Variants in SOX5 observed in about 807,000 individuals in gnomAD.
The protein encoded by SOX5 is transcription factor SOX-5.
Under a neutral mutation model 92.0 loss-of-function variants are expected in SOX5, and 9 were observed. The observed-to-expected ratio is 0.10, with a 90% CI of 0.06 to 0.17. SOX5 has a LOEUF of 0.17. Among genes scored for constraint, SOX5 ranks in the 10% least tolerant of loss-of-function variants. The pLI is 1.00. For synonymous variants in SOX5, 344 were observed against 336.3 expected, an observed-to-expected ratio of 1.02 and a Z score of -0.25; for missense variants, 642 against 944.5, an observed-to-expected ratio of 0.68 and a Z score of 4.20.
intron 4 of SOX5, among the ~76,000 whole-genome samples, chr12:24,089,991 C>T (rs1944449223): frequency 6.6e-6 from 1 of 151,966 alleles, no homozygotes; most frequent in Non-Finnish European, 1.5e-5. Flanking sequence ...TTCAAGGAAT[C>T]AATACGTAAG....
chr12:24,336,252 G>A (rs774348269), intron 2 of SOX5, among the ~76,000 whole-genome samples: 11 of 151,474 alleles, frequency 7.3e-5, no homozygotes, highest in Admixed American at 2.6e-4. Flanking sequence ...CCGCCACCAC[G>A]CCCAGTAATT....
intron 8 of SOX5, among the ~76,000 whole-genome samples, chr12:23,635,020 A>C (rs547006192): frequency 8.1e-4 from 123 of 152,282 alleles, no homozygotes; most frequent in African/African-American, 2.8e-3. Flanking sequence ...GATGCTACAG[A>C]CTTTACCATC....
At chr12:24,498,277 T>C (rs1947846890) in intron 1 of SOX5, among the ~76,000 whole-genome samples, 1 of 152,104 alleles carries the variant, frequency 6.6e-6, no homozygotes, top group Non-Finnish European at 1.5e-5. Flanking sequence ...ACCCTTTTAC[T>C]GGTGTGGAAA....
intron 1 of SOX5, among the ~76,000 whole-genome samples, chr12:24,424,812 G>GGT (rs1555286295): frequency 4.0e-5 from 6 of 150,716 alleles, no homozygotes; most frequent in Admixed American, 6.6e-5. Flanking sequence ...TTTTTTTGGG[G>GGT]GGGGGGGATG....
chr12:24,265,160 G>A (rs1361227420), intron 3 of SOX5, among the ~76,000 whole-genome samples: 1 of 152,120 alleles, frequency 6.6e-6, no homozygotes, highest in Non-Finnish European at 1.5e-5. Context: ...AAAACAATTT[G>A]TTCCTCTAGA....
intron 3 of SOX5, among the ~76,000 whole-genome samples, chr12:23,812,254 T>C (rs1333059960): frequency 6.6e-6 from 1 of 152,106 alleles, no homozygotes; most frequent in African/African-American, 2.4e-5. Context: ...TATTACTGTT[T>C]TTTTAATCAT....
At chr12:23,870,561 C>T (rs1467280325) in intron 2 of SOX5, among the ~76,000 whole-genome samples, 2 of 152,184 alleles carry the variant, frequency 1.3e-5, no homozygotes, top group South Asian at 2.1e-4. Context: ...TTAGGCTATA[C>T]CAGATAAGCA....
At chr12:24,308,750 T>C (rs1948871428) in intron 2 of SOX5, among the ~76,000 whole-genome samples, 1 of 152,140 alleles carries the variant, frequency 6.6e-6, no homozygotes, top group Non-Finnish European at 1.5e-5. Flanking sequence ...AGACTCCCAG[T>C]GGCAAAGTAA....
chr12:24,344,680 G>A (rs1417748781), intron 2 of SOX5, among the ~76,000 whole-genome samples: 2 of 152,180 alleles, frequency 1.3e-5, no homozygotes, highest in Non-Finnish European at 2.9e-5. Context: ...AAAGGGATGT[G>A]CTTGGGTGGT....
intron 4 of SOX5, among the ~76,000 whole-genome samples, chr12:23,970,841 A>ATATATATATATATATT: frequency 4.6e-5 from 1 of 21,884 alleles, no homozygotes; most frequent in African/African-American, 1.2e-4. Context: ...TATATATATA[A>ATATATATATATATATT]TTTTTTTTTT....
chr12:24,540,975 A>G (rs757866398), intron 1 of SOX5, among the ~76,000 whole-genome samples: 9 of 152,034 alleles, frequency 5.9e-5, no homozygotes, highest in African/African-American at 9.7e-5. Flanking sequence ...ACTTAACATA[A>G]CCCTTTTAAT....
chr12:24,259,252 G>C (rs765838620), intron 3 of SOX5, among the ~76,000 whole-genome samples: 1 of 152,210 alleles, frequency 6.6e-6, no homozygotes, highest in African/African-American at 2.4e-5. Context: ...GAGCGAGAGA[G>C]AGAGCGCGCA....
intron 2 of SOX5, among the ~76,000 whole-genome samples, chr12:24,334,634 G>C (rs922042122): frequency 1.3e-5 from 2 of 152,132 alleles, no homozygotes; most frequent in African/African-American, 2.4e-5. Context: ...CTTTGATTTA[G>C]TTCCAGTTCT....
intron 1 of SOX5, among the ~76,000 whole-genome samples, chr12:23,907,606 T>G (rs1949695085): frequency 6.6e-6 from 1 of 152,162 alleles, no homozygotes; most frequent in African/African-American, 2.4e-5. Context: ...AGTGTTTTAA[T>G]GTCTACATAG....
intron 4 of SOX5, among the ~76,000 whole-genome samples, chr12:24,015,705 A>C (rs545747254): frequency 6.6e-6 from 1 of 152,300 alleles, no homozygotes; most frequent in South Asian, 2.1e-4. Context: ...TGCAATAAGC[A>C]TTATTACTGT....
chr12:24,498,443 T>C (rs1947864339), intron 1 of SOX5, among the ~76,000 whole-genome samples: 3 of 152,302 alleles, frequency 2.0e-5, no homozygotes, highest in African/African-American at 7.2e-5. Context: ...TTCTACCTCT[T>C]TCTTTCTCAA....
At chr12:24,341,990 A>G (rs899501993) in intron 2 of SOX5, among the ~76,000 whole-genome samples, 1 of 152,122 alleles carries the variant, frequency 6.6e-6, no homozygotes, top group African/African-American at 2.4e-5. Context: ...CCCCTCCATA[A>G]AACTATCTGA....
At chr12:24,237,671 AACAT>A (rs1964774420) in intron 3 of SOX5, among the ~76,000 whole-genome samples, 1 of 152,198 alleles carries the variant, frequency 6.6e-6, no homozygotes, top group African/African-American at 2.4e-5. Flanking sequence ...TATTTTTCTA[AACAT>A]ACATAAAGAA....
chr12:24,430,544 AC>A (rs932368673), intron 1 of SOX5, among the ~76,000 whole-genome samples: 4 of 151,958 alleles, frequency 2.6e-5, no homozygotes, highest in African/African-American at 9.7e-5. Flanking sequence ...AAAAGAAACC[AC>A]ACACACACAT....
Sources: allele counts gnomAD v4.1 joint callset (sites outside exome capture counted in the v4.1 genomes callset), GRCh38; gene constraint gnomAD v4.1.1; transcripts MANE v1.5; gene names NCBI Gene and HGNC (gene_info 2026-07-23, HGNC 2026-07-21).